The following FBXW8 variants were observed in gnomAD, a reference collection of about 807,000 sequenced individuals.
The protein encoded by FBXW8 is F-box and WD repeat domain containing 8.
In FBXW8, 57 loss-of-function variants were observed where a neutral mutation model predicts 65.3. That is an observed-to-expected ratio of 0.87 (90% CI 0.71 to 1.09). The LOEUF is 1.09. FBXW8 is among the 50% of genes least tolerant of loss of function. The pLI is 0.00. For missense variants in FBXW8, 777 were observed against 814.8 expected (o/e 0.95, Z 0.57); for synonymous variants, 308 against 330.2 (o/e 0.93, Z 0.73).
chr12:116,987,424 T>G (rs1158151259), intron 6 of FBXW8: 1 of 152,226 alleles, frequency 6.6e-6, no homozygotes, highest in Non-Finnish European at 1.5e-5. Context: ...CAGAATCAAA[T>G]TATTCTTGAA....
At chr12:116,940,022 G>A (rs755906161) in intron 2 of FBXW8, among the ~76,000 whole-genome samples, 4 of 152,194 alleles carry the variant, frequency 2.6e-5, no homozygotes, top group Non-Finnish European at 5.9e-5. Context: ...TTGCTGAGTC[G>A]TTATCCCGTT....
At chr12:116,953,316 G>T (rs1883403958) in intron 4 of FBXW8, among the ~76,000 whole-genome samples, 1 of 152,178 alleles carries the variant, frequency 6.6e-6, no homozygotes, top group Non-Finnish European at 1.5e-5. Flanking sequence ...TCAGGGCCAG[G>T]CTGGGTGTGC....
intron 2 of FBXW8, among the ~76,000 whole-genome samples, chr12:116,931,694 A>G (rs899138556): frequency 6.7e-6 from 1 of 150,220 alleles, no homozygotes; most frequent in African/African-American, 2.4e-5. Flanking sequence ...TAGAAACTCT[A>G]CTGATTTTTG....
At chr12:116,947,917 C>T (rs1883038974) in intron 3 of FBXW8, among the ~76,000 whole-genome samples, 1 of 152,074 alleles carries the variant, frequency 6.6e-6, no homozygotes, top group African/African-American at 2.4e-5. Context: ...AGAGCCTGGT[C>T]CACGCTCAGT....
At chr12:116,999,887 C>G (rs1024088990) in intron 7 of FBXW8, among the ~76,000 whole-genome samples, 1 of 152,194 alleles carries the variant, frequency 6.6e-6, no homozygotes, top group African/African-American at 2.4e-5. Context: ...AAAAACAGTC[C>G]TACTTAACAG....
intron 8 of FBXW8, among the ~76,000 whole-genome samples, chr12:117,022,169 C>G (rs1305461762): frequency 6.6e-6 from 1 of 152,158 alleles, no homozygotes; most frequent in Non-Finnish European, 1.5e-5. Context: ...TTGCCCCTTG[C>G]TGGCTTCCTC....
chr12:116,948,657 C>A (rs978262493), intron 3 of FBXW8: 2 of 152,140 alleles, frequency 1.3e-5, no homozygotes, highest in African/African-American at 4.8e-5. Context: ...TCTTGAATAC[C>A]TTTATTCATG....
intron 7 of FBXW8, among the ~76,000 whole-genome samples, chr12:117,001,081 T>C (rs961121681): frequency 1.3e-5 from 2 of 152,200 alleles, no homozygotes; most frequent in Admixed American, 1.3e-4. Flanking sequence ...TGGAAGGATA[T>C]TCCGAAGGAA....
intron 5 of FBXW8, among the ~76,000 whole-genome samples, chr12:116,966,561 C>G (rs951229785): frequency 4.6e-5 from 7 of 152,172 alleles, no homozygotes; most frequent in African/African-American, 1.4e-4. Context: ...AATTGATTTG[C>G]AGCCCATGTC....
At position 116,936,947 on chromosome 12, in the gene FBXW8, G is replaced by T. The variant is rs1344951272; in HGVS notation, c.424-8417G>T. 6.6e-6 allele frequency among the ~76,000 whole-genome samples: 1 copy of T among 152,180 alleles called. No homozygotes were observed. The highest frequency in any genetic ancestry group is 1.9e-4 in the East Asian group (1 of 5,196). ...TTAAAAAGGGACCATTTGGGCTGCT[G>T]TGTGGAGAATCGGTTGTTGGGGGAC... On this transcript the variant is annotated intron_variant, in intron 2 of 10. Coordinates refer to ENST00000652555, the MANE Select transcript of FBXW8 (RefSeq NM_153348.3). This position sits in a 1 kb window ranked among gnomAD's most constrained non-coding sequence, Gnocchi z 4.6.
chr12:116,953,792 A>G (rs1883442142), intron 4 of FBXW8, among the ~76,000 whole-genome samples: 1 of 148,354 alleles, frequency 6.7e-6, no homozygotes, highest in Non-Finnish European at 1.5e-5. Context: ...AGACAAAAAA[A>G]CAAAACAAAA....
chr12:116,974,916 A>T (rs1172807830), intron 5 of FBXW8, among the ~76,000 whole-genome samples: 1 of 152,226 alleles, frequency 6.6e-6, no homozygotes, highest in Non-Finnish European at 1.5e-5. Context: ...AAATAAAAAG[A>T]TGAAGGTAGG....
intron 3 of FBXW8, chr12:116,948,815 T>G (rs1883093158): frequency 6.6e-6 from 1 of 152,212 alleles, no homozygotes; most frequent in Non-Finnish European, 1.5e-5. Context: ...AGTACAGTGT[T>G]GCAATCATAA....
chr12:116,948,013 G>A (rs1476924194), intron 3 of FBXW8, among the ~76,000 whole-genome samples: 1 of 152,138 alleles, frequency 6.6e-6, no homozygotes, highest in Non-Finnish European at 1.5e-5. Flanking sequence ...CTTCAGGATG[G>A]GTTAGGCAGG....
intron 4 of FBXW8, among the ~76,000 whole-genome samples, chr12:116,962,102 A>G (rs1884020032): frequency 6.6e-6 from 1 of 152,100 alleles, no homozygotes; most frequent in Non-Finnish European, 1.5e-5. Flanking sequence ...CATTGATAAA[A>G]ATAAGGAATT....
chr12:116,982,530 C>A (rs1345213580), intron 5 of FBXW8, among the ~76,000 whole-genome samples: 2 of 151,874 alleles, frequency 1.3e-5, no homozygotes, highest in Non-Finnish European at 1.5e-5. Context: ...AAGTGCGACA[C>A]TTTATAATTG....
chr12:116,912,526 C>A (rs1347150984), intron 1 of FBXW8, among the ~76,000 whole-genome samples: 1 of 143,572 alleles, frequency 7.0e-6, no homozygotes, highest in African/African-American at 2.6e-5. Flanking sequence ...GTGGCGCGAT[C>A]TCGGCTCACT....
At chr12:116,990,851 A>AC (rs1953222315) in intron 7 of FBXW8, among the ~76,000 whole-genome samples, 1 of 152,176 alleles carries the variant, frequency 6.6e-6, no homozygotes, top group Non-Finnish European at 1.5e-5. Flanking sequence ...ATCCTTGGTT[A>AC]AAAATGTATA....
Position 116,915,640 on chromosome 12 carries a change from C to CTTTT in FBXW8, c.318+4310_318+4313dup, listed in dbSNP as rs57687048. Among the ~76,000 whole-genome samples, 94 of 77,196 alleles carry CTTTT rather than the reference C, an allele frequency of 1.2e-3. 10 individuals are homozygous for CTTTT. The highest frequency in any genetic ancestry group is 4.8e-3 in the African/African-American group (91 of 18,768). The allele number at this position is 77,196 out of a possible 152,430, so 50.6% of individuals were successfully genotyped here. On this transcript the variant is annotated intron_variant, in intron 1 of 10. Coordinates refer to ENST00000652555, the MANE Select transcript of FBXW8 (RefSeq NM_153348.3). ...CCAAGGGTAACCACTCACCTGACTA[C>CTTTT]TTTTTTTTTTTTTTTTTTTTTTTTT... is the stretch of plus-strand genomic sequence containing the variant.
Sources: gnomAD v4.1 joint callset for allele counts (sites outside exome capture counted in the v4.1 genomes callset) on GRCh38, gnomAD v4.1.1 for gene constraint, Gnocchi (gnomAD v3.1) non-coding constraint, MANE v1.5 for transcripts, NCBI Gene and HGNC (gene_info 2026-07-23, HGNC 2026-07-21) for gene names.